Variants in TKT observed in about 807,000 individuals in gnomAD.
The protein encoded by TKT is transketolase, also known as epididymis luminal protein 107.
Under a neutral mutation model 63.9 loss-of-function variants are expected in TKT, and 47 were observed. That is an observed-to-expected ratio of 0.74 (90% CI 0.58 to 0.94). The LOEUF (loss-of-function observed/expected upper bound fraction) is 0.94. TKT is among the 40% of genes least tolerant of loss of function. The pLI is 0.00. For missense variants in TKT, 721 were observed against 846.2 expected, an observed-to-expected ratio of 0.85 and a Z score of 1.84; for synonymous variants, 338 against 334.1, an observed-to-expected ratio of 1.01 and a Z score of -0.13.
intron 1 of TKT, among the ~76,000 whole-genome samples, chr3:53,252,438 T>C (rs1705790644): frequency 6.6e-6 from 1 of 152,376 alleles, no homozygotes; most frequent in Admixed American, 6.5e-5. Flanking sequence ...GTTATTTCCT[T>C]CTGAAAAATA....
chr3:53,228,113 T>G lies in TKT; in HGVS notation c.1516A>C (p.Ile506Leu). The change falls in exon 12 of 14, where the codon ATC (isoleucine) becomes CTC (leucine). Residue 506 changes from isoleucine (I) to leucine (L), a missense_variant. Ile to Leu is a conservative substitution (Grantham distance 5). Coordinates refer to ENST00000462138, the MANE Select transcript of TKT (RefSeq NM_001064.4). ...LKSKDDQVTV[I>L]GAGVTLHEAL... ...TCGTGCAGGGTCACCCCAGCCCCGA[T>G]AACGGTCACCTGGTCATCCTTGCTC... is the stretch of plus-strand genomic sequence containing the variant. 6.2e-7 allele frequency: 1 copy of G among 1,613,994 alleles called. No individual in the cohort carries two copies. The highest frequency in any genetic ancestry group is 8.5e-7 in the Non-Finnish European group (1 of 1,179,990).
chr3:53,242,267 C>T, intron 1 of TKT, 25 bp from the exon 2 acceptor site: 1 of 1,607,514 alleles, frequency 6.2e-7, no homozygotes, highest in Non-Finnish European at 8.5e-7. Context: ...AGAAGACAGA[C>T]ACAGGCATCA....
rs1193541529 is a variant in TKT, at chr3:53,231,468, C to T, written c.831G>A (p.Gln277=). 1 of 1,614,086 alleles carries T rather than the reference C, an allele frequency of 6.2e-7. No homozygotes were observed. The highest frequency in any genetic ancestry group is 8.5e-7 in the Non-Finnish European group (1 of 1,180,044). Residue 277 remains glutamine (Q), a synonymous_variant, in exon 7 of 14, where the codon CAG becomes CAA. Coordinates refer to ENST00000462138, the MANE Select transcript of TKT (RefSeq NM_001064.4). ...CCAGGATCTTCTTTTTGCTCTGGAT[C>T]TGGCTGTAGATCTCCTGGATGATCT... ...AEQIIQEIYS[Q]IQSKKKILAT... is the part of the protein sequence containing the mutation.
chr3:53,233,592 T>A (rs2106679611), intron 5 of TKT: 1 of 230,868 alleles, frequency 4.3e-6, no homozygotes, highest in Middle Eastern at 1.4e-3. Context: ...TGAAAGCTGT[T>A]CTGGGGTCAG....
At chr3:53,231,896 G>A (rs781807869) in intron 6 of TKT, 23 of 325,040 alleles carry the variant, frequency 7.1e-5, no homozygotes, top group African/African-American at 1.5e-4. Context: ...AACCCCGCCT[G>A]CAGGGTCACA....
chr3:53,229,163 A>T, intron 9 of TKT, 26 bp from the exon 10 acceptor site: 1 of 1,614,026 alleles, frequency 6.2e-7, no homozygotes, highest in Non-Finnish European at 8.5e-7. Flanking sequence ...AAGGATATGC[A>T]GAAATAAGAC....
At chr3:53,242,587 A>G (rs1209713919) in intron 1 of TKT, among the ~76,000 whole-genome samples, 3 of 152,208 alleles carry the variant, frequency 2.0e-5, no homozygotes, top group Non-Finnish European at 4.4e-5. Context: ...ACTCAGCCCA[A>G]GGCTAGCACT....
intron 4 of TKT, among the ~76,000 whole-genome samples, chr3:53,238,837 G>C (rs1406892787): frequency 6.6e-6 from 1 of 152,206 alleles, no homozygotes; most frequent in Non-Finnish European, 1.5e-5. Context: ...CAACTCACAG[G>C]GGGCTTTTAA....
At chr3:53,248,965 T>TTTTA (rs782364288) in intron 1 of TKT, among the ~76,000 whole-genome samples, 198 of 152,164 alleles carry the variant, frequency 1.3e-3, no homozygotes, top group African/African-American at 4.3e-3. Flanking sequence ...TTGTTTTTAT[T>TTTTA]TTTATTTATT....
intron 1 of TKT, among the ~76,000 whole-genome samples, chr3:53,245,253 C>T (rs553246716): frequency 6.7e-6 from 1 of 149,816 alleles, no homozygotes; most frequent in East Asian, 2.0e-4. Context: ...TTGCAGTGAG[C>T]CAAGATTGCA....
intron 1 of TKT, 103 bp downstream of exon 1, chr3:53,255,733 C>T: frequency 1.3e-6 from 1 of 752,162 alleles, no homozygotes; most frequent in Non-Finnish European, 1.8e-6. Flanking sequence ...CCTTCCTCGT[C>T]TAGGCATCTC....
chr3:53,254,503 GA>G, intron 1 of TKT, among the ~76,000 whole-genome samples: 1 of 152,216 alleles, frequency 6.6e-6, no homozygotes, highest in Non-Finnish European at 1.5e-5. Context: ...CCAGAAAGGT[GA>G]ACAGATTTAC....
At chr3:53,230,769 G>GA in intron 7 of TKT, 148 bp from the exon 8 acceptor site, 1 of 981,592 alleles carries the variant, frequency 1.0e-6, no homozygotes, top group South Asian at 1.7e-5. Context: ...TTTAACTGCT[G>GA]AAAGGTTGCC....
intron 4 of TKT, among the ~76,000 whole-genome samples, chr3:53,235,899 C>T (rs1327180181): frequency 8.8e-5 from 3 of 34,008 alleles, no homozygotes; most frequent in Admixed American, 3.3e-4. Flanking sequence ...TTAAAAAGAA[C>T]ACTGAACTTG....
At position 53,255,986 on chromosome 3, in the gene TKT, A is replaced by G; in HGVS notation, c.-44T>C. On this transcript the variant is annotated 5_prime_UTR_variant, in exon 1 of 14. Coordinates refer to ENST00000462138, the MANE Select transcript of TKT (RefSeq NM_001064.4). Reference sequence around the variant, plus strand: ...CGGGCGCACACGCGGACACACAGAGATAGCGGCTGCTCCCGCGGCGACAGG... The same window carrying G: ...CGGGCGCACACGCGGACACACAGAGGTAGCGGCTGCTCCCGCGGCGACAGG... 1.5e-6 allele frequency: 2 copies of G among 1,356,730 alleles called. No homozygotes were observed. The highest frequency in any genetic ancestry group is 2.0e-6 in the Non-Finnish European group (2 of 1,017,406). The allele number at this position is 1,356,730 out of a possible 1,614,324, so 84.0% of individuals were successfully genotyped here. A position where few individuals can be genotyped will look rare whatever the true frequency, so the allele number is the denominator to read the frequency against.
intron 1 of TKT, among the ~76,000 whole-genome samples, chr3:53,253,038 A>G (rs543949656): frequency 2.0e-5 from 3 of 151,860 alleles, no homozygotes; most frequent in Non-Finnish European, 4.4e-5. Context: ...ACAGGGTTTC[A>G]CCATGTTGGC....
chr3:53,226,738 T>G lies in TKT; in HGVS notation c.1696+18A>C. 1 of 1,614,106 alleles carries G rather than the reference T, an allele frequency of 6.2e-7. No individual in the cohort carries two copies. The highest frequency in any genetic ancestry group is 8.5e-7 in the Non-Finnish European group (1 of 1,179,966). The stretch of plus-strand genomic sequence containing the variant: ...GGCCCTGTCCCTTGCCCAGCCTGCC[T>G]GCCCCAGGCCTCCTTACCTTCATAA... On this transcript the variant is annotated intron_variant, in intron 13 of 13. Coordinates refer to ENST00000462138, the MANE Select transcript of TKT (RefSeq NM_001064.4).
chr3:53,226,558 T>A, intron 13 of TKT, 198 bp downstream of exon 13: 1 of 654,688 alleles, frequency 1.5e-6, no homozygotes, highest in African/African-American at 1.8e-5. Flanking sequence ...ACAGAGCTCA[T>A]CAGCAGCTGT....
At chr3:53,243,286 G>A (rs1368761793) in intron 1 of TKT, among the ~76,000 whole-genome samples, 1 of 152,040 alleles carries the variant, frequency 6.6e-6, no homozygotes, top group Non-Finnish European at 1.5e-5. Context: ...TAAAAGTTCA[G>A]CCTCAGGGCA....
Sources: allele counts gnomAD v4.1 joint callset (sites outside exome capture counted in the v4.1 genomes callset), GRCh38; gene constraint gnomAD v4.1.1; transcripts MANE v1.5; gene names NCBI Gene and HGNC (gene_info 2026-07-23, HGNC 2026-07-21).